MAGI2: variants seen among roughly 807,000 people sequenced by gnomAD.
MAGI2 encodes membrane-associated guanylate kinase, WW and PDZ domain-containing protein 2.
Under a neutral mutation model 133.3 loss-of-function variants are expected in MAGI2, and 35 were observed. The ratio of observed to expected loss-of-function variants is 0.26; its 90% CI spans 0.20 to 0.35. The LOEUF (loss-of-function observed/expected upper bound fraction) is 0.35, where lower values mean the gene tolerates loss of function less well. Among genes scored for constraint, MAGI2 ranks in the 10% least tolerant of loss-of-function variants. The pLI is 1.00. For missense variants in MAGI2, 1,636 were observed against 1,863.4 expected, an observed-to-expected ratio of 0.88 and a Z score of 2.25; for synonymous variants, 729 against 710.6, an observed-to-expected ratio of 1.03 and a Z score of -0.41.
At position 78,217,553 on chromosome 7, in the gene MAGI2, A is replaced by G. The variant is rs80210500; in HGVS notation, c.2048-16360T>C. 3.9e-3 allele frequency among the ~76,000 whole-genome samples: 599 copies of G among 152,302 alleles called. 3 individuals are homozygous for G. The highest frequency in any genetic ancestry group is 0.014 in the African/African-American group (574 of 41,556). On this transcript the variant is annotated intron_variant, in intron 10 of 21. Transcript: ENST00000354212. ...CACATTCTTTATGAAATCTGTGTGA[A>G]GGAGGCAGGAAAGGGATGACTACAC...
At chr7:79,401,314 C>A (rs935542350) in intron 1 of MAGI2, among the ~76,000 whole-genome samples, 1 of 152,152 alleles carries the variant, frequency 6.6e-6, no homozygotes, top group Non-Finnish European at 1.5e-5. Flanking sequence ...TTGCTATCAA[C>A]TGTGCAGTCT....
intron 1 of MAGI2, among the ~76,000 whole-genome samples, chr7:79,290,040 T>C (rs1397962521): frequency 1.3e-5 from 2 of 152,184 alleles, no homozygotes; most frequent in South Asian, 2.1e-4. Flanking sequence ...ATGTTGGTAA[T>C]ACAAAATCTA....
chr7:79,128,761 C>A (rs960549257), intron 1 of MAGI2, among the ~76,000 whole-genome samples: 3 of 152,174 alleles, frequency 2.0e-5, no homozygotes, highest in African/African-American at 7.2e-5. Flanking sequence ...TCCAGATTCT[C>A]CTAACTTATG....
intron 10 of MAGI2, among the ~76,000 whole-genome samples, chr7:78,214,536 G>C (rs897545738): frequency 1.3e-5 from 2 of 152,150 alleles, no homozygotes; most frequent in Non-Finnish European, 2.9e-5. Context: ...AGATTTCTTA[G>C]CATAATCTAT....
intron 12 of MAGI2, among the ~76,000 whole-genome samples, chr7:78,187,672 A>C (rs958902901): frequency 5.9e-5 from 9 of 152,164 alleles, no homozygotes; most frequent in African/African-American, 2.2e-4. Context: ...TTTCTGGCAC[A>C]ATTGTTATTT....
chr7:78,191,094 A>G (rs62463863), intron 12 of MAGI2, among the ~76,000 whole-genome samples: 16,058 of 152,240 alleles, frequency 0.11, 1,180 homozygotes, highest in Non-Finnish European at 0.16. Flanking sequence ...CTTAGGGTCA[A>G]TGTTTAAATA....
chr7:79,346,572 A>G (rs971625050), intron 1 of MAGI2, among the ~76,000 whole-genome samples: 4 of 151,954 alleles, frequency 2.6e-5, no homozygotes, highest in African/African-American at 9.7e-5. Context: ...GCTCTCTGCA[A>G]CTGTACTGCC....
intron 20 of MAGI2, among the ~76,000 whole-genome samples, chr7:78,116,757 G>C (rs1032889927): frequency 6.6e-6 from 1 of 151,766 alleles, no homozygotes; most frequent in Non-Finnish European, 1.5e-5. Flanking sequence ...GCACACCTGT[G>C]GTCCTTGCTA....
intron 2 of MAGI2, among the ~76,000 whole-genome samples, chr7:78,956,744 C>T (rs1476286641): frequency 6.6e-6 from 1 of 152,044 alleles, no homozygotes. Context: ...GAAGATAGTG[C>T]CCGTTTTTTA....
chr7:79,210,627 C>T (rs1274590045), intron 1 of MAGI2, among the ~76,000 whole-genome samples: 1 of 152,048 alleles, frequency 6.6e-6, no homozygotes, highest in African/African-American at 2.4e-5. Context: ...TGTCCCAGCA[C>T]TAAAAACTTC....
rs541218802 is a variant in MAGI2 at position 78,492,590 on chromosome 7, T to C, written c.966-2750A>G. Among the ~76,000 whole-genome samples the C allele has an allele frequency of 5.9e-5, 9 of 152,276 alleles. No homozygotes were observed. In the South Asian group the frequency reaches 1.9e-3, roughly 32 times the overall value. On this transcript the variant is annotated intron_variant, in intron 5 of 21. Transcript: ENST00000354212. ...AATTCCATTTGAAAACCGAATTAAA[T>C]GTCAGGCAGGAAACTGTGTTCAGAA... is the stretch of plus-strand genomic sequence containing the variant.
intron 5 of MAGI2, among the ~76,000 whole-genome samples, chr7:78,491,871 T>TTGTG (rs10598552): frequency 0.025 from 3,464 of 141,094 alleles, 41 homozygotes; most frequent in Non-Finnish European, 0.028. Flanking sequence ...TCCGTTCAAA[T>TTGTG]TGTGTGTGTG....
intron 3 of MAGI2, among the ~76,000 whole-genome samples, chr7:78,536,978 G>C (rs866205723): frequency 6.6e-6 from 1 of 151,934 alleles, no homozygotes; most frequent in Non-Finnish European, 1.5e-5. Context: ...GCTTCCCCCT[G>C]AGTCCTCAGT....
intron 1 of MAGI2, among the ~76,000 whole-genome samples, chr7:79,159,532 A>G (rs1019063523): frequency 5.3e-5 from 8 of 151,332 alleles, no homozygotes; most frequent in South Asian, 2.1e-4. Flanking sequence ...AAAAAAAAAA[A>G]AAGAAGAAGA....
At chr7:78,626,998 C>T (rs1490439613) in intron 3 of MAGI2, 122 bp downstream of exon 3, 2 of 897,260 alleles carry the variant, frequency 2.2e-6, no homozygotes, top group Non-Finnish European at 3.1e-6. Flanking sequence ...TTTCTAAACT[C>T]ATCTTATTAA....
chr7:79,439,815 C>T (rs1022397837), intron 1 of MAGI2, among the ~76,000 whole-genome samples: 1 of 151,906 alleles, frequency 6.6e-6, no homozygotes, highest in African/African-American at 2.4e-5. Context: ...ACACAAACTC[C>T]TATCCCTCCT....
At chr7:78,774,257 G>A (rs1346121726) in intron 2 of MAGI2, among the ~76,000 whole-genome samples, 1 of 152,180 alleles carries the variant, frequency 6.6e-6, no homozygotes, top group Non-Finnish European at 1.5e-5. Context: ...TTGGTTTGGA[G>A]AGAGGCAAGA....
intron 3 of MAGI2, among the ~76,000 whole-genome samples, chr7:78,542,765 A>G (rs926724345): frequency 6.6e-6 from 1 of 152,210 alleles, no homozygotes; most frequent in Non-Finnish European, 1.5e-5. Context: ...GAAGCAGATC[A>G]TACAGGGCCT....
At chr7:78,608,292 C>T (rs11971464) in intron 3 of MAGI2, among the ~76,000 whole-genome samples, 2,079 of 152,204 alleles carry the variant, frequency 0.014, 56 homozygotes, top group African/African-American at 0.047. Flanking sequence ...CATTCACACT[C>T]TTCTACCCTT....
Sources: gnomAD v4.1 joint callset for allele counts (sites outside exome capture counted in the v4.1 genomes callset) on GRCh38, gnomAD v4.1.1 for gene constraint, MANE v1.5 for transcripts, NCBI Gene and HGNC (gene_info 2026-07-23, HGNC 2026-07-21) for gene names.